Variants in WDFY1 observed in about 807,000 individuals in gnomAD.
The protein encoded by WDFY1 is WD repeat and FYVE domain containing 1.
A neutral mutation model predicts 56.4 loss-of-function variants in WDFY1; 32 were observed. That is an observed-to-expected ratio of 0.57 (90% confidence interval 0.43 to 0.76). The LOEUF is 0.76. Ranked by LOEUF, WDFY1 falls within the 30% of genes least tolerant of loss-of-function variation. The pLI is 0.00. For synonymous variants in WDFY1, 192 were observed against 197.3 expected, an observed-to-expected ratio of 0.97 and a Z score of 0.23; for missense variants, 480 against 545.7, an observed-to-expected ratio of 0.88 and a Z score of 1.20.
chr2:223,925,796 T>G (rs6717691), intron 1 of WDFY1, among the ~76,000 whole-genome samples: 14 of 152,250 alleles, frequency 9.2e-5, no homozygotes, highest in African/African-American at 3.1e-4. Context: ...CATTAGATGT[T>G]GATTCCATCT....
intron 2 of WDFY1, among the ~76,000 whole-genome samples, chr2:223,917,354 G>A (rs1162748708): frequency 6.6e-6 from 1 of 152,028 alleles, no homozygotes; most frequent in Non-Finnish European, 1.5e-5. Flanking sequence ...ACTAATGTAA[G>A]TTGGCCAAAT....
At chr2:223,911,798 A>G (rs1693707620) in intron 3 of WDFY1, among the ~76,000 whole-genome samples, 1 of 148,622 alleles carries the variant, frequency 6.7e-6, no homozygotes, top group African/African-American at 2.5e-5. Context: ...TTTTTGACCT[A>G]ATATCTATAC....
At position 223,933,845 on chromosome 2, in the gene WDFY1, T is replaced by C. The variant is rs540378566; in HGVS notation, c.137+11303A>G. Among the ~76,000 whole-genome samples, 4 of 145,352 alleles carry C rather than the reference T, an allele frequency of 2.8e-5. No individual in the cohort carries two copies. The South Asian group carries it at 9.0e-4, about 33-fold the overall frequency. On this transcript the variant is annotated intron_variant, in intron 1 of 11. Transcript: ENST00000233055. The stretch of plus-strand genomic sequence containing the variant: ...AAGGAGTGGTGGTACATGTCTGTGG[T>C]CTCAAACTCAGGAGGCTGAGGTGGA...
chr2:223,920,080 G>A (rs932851427), intron 1 of WDFY1, among the ~76,000 whole-genome samples: 13 of 152,262 alleles, frequency 8.5e-5, no homozygotes, highest in African/African-American at 2.4e-4. Context: ...CACACTGGAG[G>A]AAAGCTGTGC....
rs1180120800 is a variant in WDFY1 at position 223,945,165 on chromosome 2, G to A, written c.120C>T (p.Ile40=). 9 of 1,596,450 alleles carry A rather than the reference G, an allele frequency of 5.6e-6. No individual in the cohort carries two copies. Among genetic ancestry groups the A allele is most frequent in the Non-Finnish European group, 7.7e-6 (9 of 1,175,134 alleles). Residue 40 remains isoleucine, a synonymous_variant, in exon 1 of 12, where the codon ATC becomes ATT. Coordinates refer to ENST00000233055, the MANE Select transcript of WDFY1 (RefSeq NM_020830.5). ...ALLIPKEDGV[I]TASEDRTIRV... ...GGCCCTACCTGTCCTCGCTGGCCGT[G>A]ATCACGCCGTCCTCCTTGGGGATGA... is the stretch of plus-strand genomic sequence containing the variant.
rs1035144323 is a variant in WDFY1, at chr2:223,875,885, G to A, written c.*2786C>T. Reference sequence around the variant, plus strand: ...ATCTCCTTGGGTCTGAGCTACTATGGTATTTATTACATATTTGGGTCAGTT... The same window carrying A: ...ATCTCCTTGGGTCTGAGCTACTATGATATTTATTACATATTTGGGTCAGTT... On this transcript the variant is annotated 3_prime_UTR_variant, in exon 12 of 12. Coordinates refer to ENST00000233055, the MANE Select transcript of WDFY1 (RefSeq NM_020830.5). 2.0e-5 allele frequency: 3 copies of A among 151,998 alleles called. No individual in the cohort carries two copies. The allele number at this position is 151,998 out of a possible 1,614,324, so 9.4% of individuals were successfully genotyped here.
chr2:223,933,139 AGAG>A (rs34374630), intron 1 of WDFY1, among the ~76,000 whole-genome samples: 125,292 of 151,734 alleles, frequency 0.83, 52,752 homozygotes, highest in Non-Finnish European at 0.93. Context: ...CTCATTTTGT[AGAG>A]GAGAATTAGA....
At chr2:223,915,773 G>A in intron 2 of WDFY1, among the ~76,000 whole-genome samples, 1 of 152,218 alleles carries the variant, frequency 6.6e-6, no homozygotes, top group Non-Finnish European at 1.5e-5. Flanking sequence ...CCTAACAGAA[G>A]TCTTTTTGGG....
chr2:223,937,855 G>A (rs972726794), intron 1 of WDFY1, among the ~76,000 whole-genome samples: 1 of 152,114 alleles, frequency 6.6e-6, no homozygotes, highest in African/African-American at 2.4e-5. Flanking sequence ...CTGGTTTTCT[G>A]TATTAACTAA....
intron 6 of WDFY1, among the ~76,000 whole-genome samples, chr2:223,897,775 T>C (rs1156362474): frequency 2.0e-5 from 3 of 152,036 alleles, no homozygotes; most frequent in Non-Finnish European, 4.4e-5. Context: ...TTTAGTGCCA[T>C]CCCCTTGGTG....
In WDFY1 at chr2:223,901,031, TC is replaced by T. The variant is rs528902602; in HGVS notation, c.485+151del. ...GTAATTGCAATTTTTGCAATTACTTTCCATGGTAAAAAAAAAAATGCAATTA... is the reference window on the plus strand; with the variant it reads ...GTAATTGCAATTTTTGCAATTACTTTCATGGTAAAAAAAAAAATGCAATTA... On this transcript the variant is annotated intron_variant, in intron 5 of 11. Transcript: ENST00000233055. 3,945 of 917,494 alleles carry T rather than the reference TC, an allele frequency of 4.3e-3. 23 individuals are homozygous for T. Among genetic ancestry groups the T allele is most frequent in the South Asian group, 5.3e-3 (259 of 48,712 alleles). 56.8% of individuals were successfully genotyped at this position (917,494 alleles called of 1,614,324 possible). A position where few individuals can be genotyped will look rare whatever the true frequency, so the allele number is the denominator to read the frequency against.
At chr2:223,905,090 A>G (rs895016118) in intron 4 of WDFY1, among the ~76,000 whole-genome samples, 1 of 152,208 alleles carries the variant, frequency 6.6e-6, no homozygotes, top group Non-Finnish European at 1.5e-5. Context: ...ATAAAGCTTA[A>G]ATCATTTTCA....
chr2:223,907,667 T>G (rs1350704149), intron 3 of WDFY1, among the ~76,000 whole-genome samples: 1 of 152,196 alleles, frequency 6.6e-6, no homozygotes, highest in African/African-American at 2.4e-5. Context: ...TATGTGTGTA[T>G]GCACATGATG....
At chr2:223,894,399 T>A in intron 7 of WDFY1, 60 bp from the exon 8 acceptor site, 1 of 1,549,136 alleles carries the variant, frequency 6.5e-7, no homozygotes, top group South Asian at 1.1e-5. Flanking sequence ...GGAACTGTCT[T>A]CATTTAGGCT....
chr2:223,928,905 G>A (rs574314796), intron 1 of WDFY1, among the ~76,000 whole-genome samples: 5 of 152,296 alleles, frequency 3.3e-5, no homozygotes, highest in Admixed American at 3.3e-4. Flanking sequence ...ATTGCAGGGG[G>A]GGTGAGAGAG....
intron 1 of WDFY1, among the ~76,000 whole-genome samples, chr2:223,938,290 T>A (rs2106104906): frequency 6.6e-6 from 1 of 152,336 alleles, no homozygotes; most frequent in South Asian, 2.1e-4. Flanking sequence ...AGCCTTAACT[T>A]ATTTATAAGG....
At chr2:223,915,266 G>A (rs1335340081) in intron 2 of WDFY1, among the ~76,000 whole-genome samples, 3 of 152,202 alleles carry the variant, frequency 2.0e-5, no homozygotes, top group Non-Finnish European at 4.4e-5. Context: ...CACCCACTGC[G>A]AAGCTGTGTC....
Position 223,897,387 on chromosome 2 carries a change from TA to T in WDFY1, c.598+1570del, listed in dbSNP as rs796499633. Among the ~76,000 whole-genome samples the T allele has an allele frequency of 3.0e-3, 343 of 115,164 alleles. 13 individuals carry two copies. The highest frequency in any genetic ancestry group is 0.014 in the Middle Eastern group (3 of 216). The allele number at this position is 115,164 out of a possible 152,430, so 75.6% of individuals were successfully genotyped here. On this transcript the variant is annotated intron_variant, in intron 6 of 11. Transcript: ENST00000233055. ...ATATATATATATATATATATATATA[TA>T]TATTTTTTAAGACGGAGTCTCTCTC... is the stretch of plus-strand genomic sequence containing the variant.
rs57223015 is a variant in WDFY1 at position 223,942,527 on chromosome 2, C to CTT, written c.137+2619_137+2620dup. Among the ~76,000 whole-genome samples, 83 of 74,234 alleles carry CTT rather than the reference C, an allele frequency of 1.1e-3. 8 individuals carry two copies. Among genetic ancestry groups the CTT allele is most frequent in the Admixed American group, 1.8e-3 (12 of 6,674 alleles). The allele number at this position is 74,234 out of a possible 152,430, so 48.7% of individuals were successfully genotyped here. A position where few individuals can be genotyped will look rare whatever the true frequency, so the allele number is the denominator to read the frequency against. ...GCCACTGCGCCTGGCCAAAGGCTAA[C>CTT]TTTTTTTTTTTTTTTTTTTGAGACG... On this transcript the variant is annotated intron_variant, in intron 1 of 11. Coordinates refer to ENST00000233055, the MANE Select transcript of WDFY1 (RefSeq NM_020830.5).
Sources: allele counts gnomAD v4.1 joint callset (sites outside exome capture counted in the v4.1 genomes callset), GRCh38; gene constraint gnomAD v4.1.1; transcripts MANE v1.5; gene names NCBI Gene and HGNC (gene_info 2026-07-23, HGNC 2026-07-21).